TBC1D5: variants seen among roughly 807,000 people sequenced by gnomAD.
TBC1D5 encodes TBC1 domain family, member 5.
TBC1D5 carries 75 observed loss-of-function variants against 100.3 expected under a neutral mutation model. That is an observed-to-expected ratio of 0.75 (90% CI 0.62 to 0.91). TBC1D5 has a LOEUF of 0.91. Ranked by LOEUF, TBC1D5 falls within the 40% of genes least tolerant of loss-of-function variation. TBC1D5 has a pLI of 0.00. For synonymous variants in TBC1D5, 323 were observed against 325.6 expected (o/e 0.99, Z 0.09); for missense variants, 910 against 942.4 (o/e 0.97, Z 0.45).
intron 2 of TBC1D5, among the ~76,000 whole-genome samples, chr3:17,622,452 T>C (rs1169426501): frequency 6.6e-6 from 1 of 152,206 alleles, no homozygotes; most frequent in African/African-American, 2.4e-5. Flanking sequence ...TTGGAAAGTA[T>C]GTTTTATGTG....
intron 1 of TBC1D5, among the ~76,000 whole-genome samples, chr3:17,696,772 G>T (rs994165187): frequency 6.6e-6 from 1 of 152,136 alleles, no homozygotes; most frequent in South Asian, 2.1e-4. Flanking sequence ...ACATCTTCCC[G>T]ATACCAAAGC....
intron 1 of TBC1D5, among the ~76,000 whole-genome samples, chr3:17,694,501 T>C (rs959772361): frequency 1.1e-4 from 16 of 152,050 alleles, no homozygotes; most frequent in Non-Finnish European, 1.5e-4. Flanking sequence ...GTATCAGTGA[T>C]TGAAGATCAA....
At chr3:17,736,107 T>C (rs2076945992) in intron 1 of TBC1D5, among the ~76,000 whole-genome samples, 1 of 152,148 alleles carries the variant, frequency 6.6e-6, no homozygotes, top group Non-Finnish European at 1.5e-5. Context: ...GGGTATGAGC[T>C]GAGTTACAAG....
In TBC1D5 at chr3:17,178,222, C is replaced by T. The variant is rs183685792; in HGVS notation, c.1852+6887G>A. ...CTGGGACTACATGCGCCCACCACCA[C>T]GCCTGGCTAATTTTTTGTATTTTTA... On this transcript the variant is annotated intron_variant, in intron 19 of 21. Transcript: ENST00000253692. Among the ~76,000 whole-genome samples, 1,377 of 152,144 alleles carry T rather than the reference C, an allele frequency of 9.1e-3. 78 individuals carry two copies. Among genetic ancestry groups the T allele is most frequent in the Admixed American group, 0.071 (1,080 of 15,294 alleles).
chr3:17,345,342 G>A (rs1412083492), intron 13 of TBC1D5, among the ~76,000 whole-genome samples: 2 of 152,188 alleles, frequency 1.3e-5, no homozygotes, highest in African/African-American at 4.8e-5. Flanking sequence ...CTGGCCATCA[G>A]AGAAATGCAA....
chr3:17,336,889 T>C (rs961751813), intron 13 of TBC1D5, among the ~76,000 whole-genome samples: 2 of 152,108 alleles, frequency 1.3e-5, no homozygotes, highest in Non-Finnish European at 1.5e-5. Context: ...GTGCAATGCA[T>C]CATATAAAAA....
intron 1 of TBC1D5, chr3:17,644,136 A>G (rs1215964775): frequency 6.6e-6 from 1 of 152,176 alleles, no homozygotes; most frequent in African/African-American, 2.4e-5. Flanking sequence ...AACATGAATT[A>G]TAAGCTTAAA....
chr3:17,539,361 T>G (rs1358311009), intron 2 of TBC1D5, among the ~76,000 whole-genome samples: 4 of 152,184 alleles, frequency 2.6e-5, no homozygotes, highest in Non-Finnish European at 5.9e-5. Flanking sequence ...ACTCAGATAA[T>G]TCTCTCCAGC....
chr3:17,646,475 C>G (rs904243217), intron 1 of TBC1D5, among the ~76,000 whole-genome samples: 8 of 152,118 alleles, frequency 5.3e-5, no homozygotes, highest in African/African-American at 1.9e-4. Context: ...AGCATCCCAT[C>G]CACCGATTTT....
intron 18 of TBC1D5, among the ~76,000 whole-genome samples, chr3:17,186,080 A>C (rs2069022844): frequency 6.6e-6 from 1 of 150,582 alleles, no homozygotes; most frequent in African/African-American, 2.4e-5. Context: ...ATCATTTAGC[A>C]TACTCTAAAC....
chr3:17,724,259 A>AT (rs898118147), intron 1 of TBC1D5, among the ~76,000 whole-genome samples: 1 of 151,916 alleles, frequency 6.6e-6, no homozygotes, highest in Non-Finnish European at 1.5e-5. Flanking sequence ...TGCTCGTCTA[A>AT]TTTTTTTAAA....
At chr3:17,295,151 A>G (rs775525353) in intron 14 of TBC1D5, among the ~76,000 whole-genome samples, 17 of 152,238 alleles carry the variant, frequency 1.1e-4, no homozygotes, top group African/African-American at 1.9e-4. Context: ...GGCACATTCT[A>G]AAGAGTTGAT....
chr3:17,642,843 C>A (rs959928801), intron 1 of TBC1D5, among the ~76,000 whole-genome samples: 9 of 152,050 alleles, frequency 5.9e-5, no homozygotes, highest in Non-Finnish European at 1.2e-4. Flanking sequence ...GACTTTTTAA[C>A]TTTTTATTTT....
chr3:17,634,895 TCTG>T (rs2153683777), intron 1 of TBC1D5, among the ~76,000 whole-genome samples: 1 of 152,262 alleles, frequency 6.6e-6, no homozygotes, highest in Non-Finnish European at 1.5e-5. Context: ...AAGAAATGAA[TCTG>T]CTATCGAATA....
At chr3:17,221,923 T>C (rs1022251188) in intron 17 of TBC1D5, among the ~76,000 whole-genome samples, 7 of 152,210 alleles carry the variant, frequency 4.6e-5, no homozygotes, top group Non-Finnish European at 1.0e-4. Flanking sequence ...TAAAGTTGTA[T>C]ACAGTAGTCT....
intron 15 of TBC1D5, among the ~76,000 whole-genome samples, chr3:17,278,692 G>A (rs1232957580): frequency 1.3e-5 from 2 of 152,086 alleles, no homozygotes; most frequent in African/African-American, 4.8e-5. Flanking sequence ...AGAGATTGTT[G>A]GCTGCCCTTG....
chr3:17,294,422 C>T (rs2150212050), intron 14 of TBC1D5, among the ~76,000 whole-genome samples: 1 of 152,200 alleles, frequency 6.6e-6, no homozygotes, highest in South Asian at 2.1e-4. Flanking sequence ...CAAGCTCTTG[C>T]TATGTTGCCA....
chr3:17,185,331 T>A, intron 18 of TBC1D5, 123 bp from the exon 20 acceptor site: 1 of 680,910 alleles, frequency 1.5e-6, no homozygotes, highest in Non-Finnish European at 2.2e-6. Flanking sequence ...TAGACAAATC[T>A]AAATAGCAAA....
At chr3:17,216,880 T>A (rs1422115434) in intron 17 of TBC1D5, among the ~76,000 whole-genome samples, 2 of 152,196 alleles carry the variant, frequency 1.3e-5, no homozygotes, top group South Asian at 2.1e-4. Context: ...CTTTGAGATA[T>A]AATTCATGTC....
Sources: gnomAD v4.1 joint callset for allele counts (sites outside exome capture counted in the v4.1 genomes callset) on GRCh38, gnomAD v4.1.1 for gene constraint, MANE v1.5 for transcripts, NCBI Gene and HGNC (gene_info 2026-07-23, HGNC 2026-07-21) for gene names.